MYRIP: variants seen among roughly 807,000 people sequenced by gnomAD.
MYRIP encodes the protein rab effector MyRIP.
In MYRIP, 49 loss-of-function variants were observed where a neutral mutation model predicts 98.0. The ratio of observed to expected loss-of-function variants is 0.50; its 90% CI spans 0.40 to 0.63. The LOEUF is 0.63. Ranked by LOEUF, MYRIP falls within the 30% of genes least tolerant of loss-of-function variation. The probability of loss-of-function intolerance (pLI) is 0.00; values close to 1 mark genes in which losing one functional copy is unlikely to be tolerated. For missense variants in MYRIP, 1,004 were observed against 1,058.2 expected (o/e 0.95, Z 0.71); for synonymous variants, 404 against 409.5 (o/e 0.99, Z 0.16).
chr3:40,245,178 A>G (rs1953150552), intron 13 of MYRIP, among the ~76,000 whole-genome samples: 1 of 152,234 alleles, frequency 6.6e-6, no homozygotes, highest in African/African-American at 2.4e-5. Context: ...AGATACGGCT[A>G]TTTCAGAACT....
chr3:40,179,010 A>G lies in MYRIP; in HGVS notation c.874-3210A>G, dbSNP rs541147658. On this transcript the variant is annotated intron_variant, in intron 8 of 16. Coordinates refer to ENST00000302541, the MANE Select transcript of MYRIP (RefSeq NM_015460.4). The stretch of plus-strand genomic sequence containing the variant: ...TCTTCTGTGTACCCTAGAATAAGTA[A>G]GACAAGCAGAGTCTGTGCGTAGGAA... Among the ~76,000 whole-genome samples, 23 of 152,348 alleles carry G rather than the reference A, an allele frequency of 1.5e-4. No homozygotes were observed. The East Asian group carries it at 4.4e-3, about 29-fold the overall frequency.
At chr3:40,140,740 C>T (rs905224317) in intron 3 of MYRIP, among the ~76,000 whole-genome samples, 1 of 151,850 alleles carries the variant, frequency 6.6e-6, no homozygotes, top group Admixed American at 6.6e-5. Context: ...TTCACATATT[C>T]GTTGGCCATG....
intron 2 of MYRIP, among the ~76,000 whole-genome samples, chr3:39,942,938 T>G (rs1245191825): frequency 6.6e-6 from 1 of 152,200 alleles, no homozygotes; most frequent in Non-Finnish European, 1.5e-5. Flanking sequence ...TGTGGCTTAT[T>G]TCACTTAACA....
At chr3:39,853,186 T>A (rs1942189436) in intron 1 of MYRIP, among the ~76,000 whole-genome samples, 1 of 152,354 alleles carries the variant, frequency 6.6e-6, no homozygotes, top group African/African-American at 2.4e-5. Context: ...TTCCGTATTT[T>A]TGCAATTCCA....
chr3:39,939,573 T>C (rs1473387103), intron 2 of MYRIP, among the ~76,000 whole-genome samples: 1 of 152,134 alleles, frequency 6.6e-6, no homozygotes, highest in East Asian at 1.9e-4. Flanking sequence ...GTGGGTGGGA[T>C]TTGCAGAATT....
intron 2 of MYRIP, among the ~76,000 whole-genome samples, chr3:40,027,366 G>A (rs1482256934): frequency 6.6e-6 from 1 of 152,080 alleles, no homozygotes; most frequent in Non-Finnish European, 1.5e-5. Context: ...TTTACTGACA[G>A]TGGCTGATAG....
intron 2 of MYRIP, among the ~76,000 whole-genome samples, chr3:39,965,336 A>G (rs1045028329): frequency 1.3e-5 from 2 of 152,124 alleles, no homozygotes; most frequent in Admixed American, 6.6e-5. Flanking sequence ...AAAATAAAGC[A>G]TTTTATAGAA....
chr3:40,253,716 C>T (rs185840521), intron 16 of MYRIP, among the ~76,000 whole-genome samples: 4 of 152,284 alleles, frequency 2.6e-5, no homozygotes, highest in African/African-American at 9.6e-5. Context: ...TTTACAACCT[C>T]GATGTTGGAT....
intron 3 of MYRIP, among the ~76,000 whole-genome samples, chr3:40,063,373 A>C (rs983688085): frequency 5.3e-5 from 8 of 152,206 alleles, no homozygotes; most frequent in Non-Finnish European, 1.2e-4. Flanking sequence ...TTTATGTAAG[A>C]GAGTGTCCTT....
intron 2 of MYRIP, among the ~76,000 whole-genome samples, chr3:40,021,141 A>G (rs1230771276): frequency 1.3e-5 from 2 of 152,186 alleles, no homozygotes; most frequent in Non-Finnish European, 2.9e-5. Flanking sequence ...GGTAAGGGAG[A>G]TGTCACAGAA....
intron 2 of MYRIP, among the ~76,000 whole-genome samples, chr3:40,010,245 G>A (rs554893003): frequency 6.6e-6 from 1 of 152,338 alleles, no homozygotes; most frequent in Admixed American, 6.5e-5. Context: ...GCAAGGCCAA[G>A]GAGAAAGCAT....
chr3:39,985,001 GT>G (rs1362619033), intron 2 of MYRIP, among the ~76,000 whole-genome samples: 1 of 150,162 alleles, frequency 6.7e-6, no homozygotes, highest in Non-Finnish European at 1.5e-5. Context: ...TTTTTCATGT[GT>G]TTTTTGGCTG....
chr3:40,060,687 G>C (rs1395940252), intron 3 of MYRIP, among the ~76,000 whole-genome samples: 1 of 150,602 alleles, frequency 6.6e-6, no homozygotes, highest in Non-Finnish European at 1.5e-5. Context: ...CACCTCCTGG[G>C]TTCAAGCAAT....
intron 3 of MYRIP, among the ~76,000 whole-genome samples, chr3:40,113,176 C>T (rs756742997): frequency 2.4e-4 from 37 of 152,228 alleles, no homozygotes; most frequent in Non-Finnish European, 4.1e-4. Context: ...TGGAGTTTCA[C>T]TCAGTTGCCC....
At chr3:39,885,299 G>C (rs1271114410) in intron 1 of MYRIP, among the ~76,000 whole-genome samples, 1 of 151,890 alleles carries the variant, frequency 6.6e-6, no homozygotes, top group Non-Finnish European at 1.5e-5. Context: ...TCTTTGATGT[G>C]AAAAGACAAT....
chr3:39,887,700 A>G (rs1943348485), intron 1 of MYRIP, among the ~76,000 whole-genome samples: 3 of 152,184 alleles, frequency 2.0e-5, no homozygotes, highest in Non-Finnish European at 4.4e-5. Context: ...GGAGAAGAAA[A>G]TAAAGGGTAT....
At chr3:40,011,955 TA>T (rs1946769496) in intron 2 of MYRIP, among the ~76,000 whole-genome samples, 1 of 152,232 alleles carries the variant, frequency 6.6e-6, no homozygotes, top group South Asian at 2.1e-4. Flanking sequence ...TCCATAAATT[TA>T]CTTATACATC....
chr3:40,188,654 G>A (rs539052754), intron 9 of MYRIP, among the ~76,000 whole-genome samples: 1 of 152,266 alleles, frequency 6.6e-6, no homozygotes, highest in Non-Finnish European at 1.5e-5. Context: ...GTGTGCACCT[G>A]TAATCCCAGC....
intron 11 of MYRIP, among the ~76,000 whole-genome samples, chr3:40,217,907 G>C (rs777742829): frequency 6.6e-6 from 1 of 152,074 alleles, no homozygotes; most frequent in East Asian, 1.9e-4. Flanking sequence ...ACAAAACTAT[G>C]ATGACTTTAG....
Sources: gnomAD v4.1 joint callset for allele counts (sites outside exome capture counted in the v4.1 genomes callset) on GRCh38, gnomAD v4.1.1 for gene constraint, MANE v1.5 for transcripts, NCBI Gene and HGNC (gene_info 2026-07-23, HGNC 2026-07-21) for gene names.